Variants in DHRSX observed in about 807,000 individuals in gnomAD.
DHRSX encodes polyprenol dehydrogenase.
DHRSX carries 31 observed loss-of-function variants against 34.0 expected under a neutral mutation model. The ratio of observed to expected loss-of-function variants is 0.91; its 90% CI spans 0.69 to 1.23. DHRSX has a LOEUF of 1.23. Ranked by LOEUF, DHRSX falls within the 50% of genes most tolerant of loss-of-function variation. The pLI is 0.00. For synonymous variants in DHRSX, 201 were observed against 183.8 expected (o/e 1.09, Z -0.76); for missense variants, 414 against 428.1 (o/e 0.97, Z 0.29).
At chrX:2,246,743 A>AG (rs2016303587) in intron 5 of DHRSX, among the ~76,000 whole-genome samples, 2 of 111,314 alleles carry the variant, frequency 1.8e-5, no homozygotes. Context: ...AAAGAAAGAA[A>AG]GAAAGAAAAA....
chrX:2,438,008 GA>G (rs112487173), intron 1 of DHRSX, among the ~76,000 whole-genome samples: 29 of 147,300 alleles, frequency 2.0e-4, no homozygotes, highest in South Asian at 4.3e-4. Context: ...TAACCATGGG[GA>G]AAAAAAAAAA....
At chrX:2,389,173 A>C (rs1453281949) in intron 3 of DHRSX, among the ~76,000 whole-genome samples, 1 of 152,072 alleles carries the variant, frequency 6.6e-6, no homozygotes, top group Non-Finnish European at 1.5e-5. Context: ...ATCAGCTCTA[A>C]CCGTCTGTTA....
intron 4 of DHRSX, among the ~76,000 whole-genome samples, chrX:2,282,974 AAGAG>A (rs903661140): frequency 6.6e-6 from 1 of 151,332 alleles, no homozygotes; most frequent in African/African-American, 2.4e-5. Context: ...GAAAAAGCAA[AAGAG>A]AGGAAAAGTG....
intron 1 of DHRSX, among the ~76,000 whole-genome samples, chrX:2,431,757 G>A (rs1202019655): frequency 6.6e-6 from 1 of 152,098 alleles, no homozygotes; most frequent in Non-Finnish European, 1.5e-5. Flanking sequence ...CAATTCAATG[G>A]GGCAAGGAAG....
chrX:2,465,731 C>G (rs1397207504), intron 1 of DHRSX, among the ~76,000 whole-genome samples: 1 of 150,586 alleles, frequency 6.6e-6, no homozygotes, highest in Non-Finnish European at 1.5e-5. Flanking sequence ...ATTGCTTGAA[C>G]CCAGGAGATG....
intron 6 of DHRSX, among the ~76,000 whole-genome samples, chrX:2,225,612 A>G (rs187147201): frequency 0.018 from 2,615 of 149,356 alleles, 82 homozygotes; most frequent in African/African-American, 0.061. Context: ...GGGAGAATCA[A>G]TGTATGTCGT....
intron 3 of DHRSX, among the ~76,000 whole-genome samples, chrX:2,340,783 C>G (rs891459057): frequency 1.3e-5 from 2 of 151,984 alleles, no homozygotes; most frequent in African/African-American, 4.8e-5. Flanking sequence ...GAGGAGACAT[C>G]AGACAACTGG....
chrX:2,261,286 A>C (rs1353069893), intron 5 of DHRSX: 4 of 152,166 alleles, frequency 2.6e-5, no homozygotes. Flanking sequence ...ATGTGTTTTT[A>C]TAGGAATAAA....
At chrX:2,311,279 C>G (rs977313062) in intron 3 of DHRSX, among the ~76,000 whole-genome samples, 6 of 151,878 alleles carry the variant, frequency 4.0e-5, no homozygotes, top group African/African-American at 1.5e-4. Flanking sequence ...GGGGAGAGAG[C>G]TGCCTGGCAT....
At chrX:2,433,011 C>A (rs1057382748) in intron 1 of DHRSX, among the ~76,000 whole-genome samples, 4 of 151,876 alleles carry the variant, frequency 2.6e-5, no homozygotes, top group African/African-American at 9.7e-5. Flanking sequence ...GTAGTTCCAG[C>A]AAGCTGGGAG....
chrX:2,484,657 T>C (rs1030045076), intron 1 of DHRSX, among the ~76,000 whole-genome samples: 1 of 151,972 alleles, frequency 6.6e-6, no homozygotes, highest in Non-Finnish European at 1.5e-5. Flanking sequence ...CATGGCGAGT[T>C]CATTTTATAA....
At chrX:2,358,991 A>G (rs1412240915) in intron 3 of DHRSX, among the ~76,000 whole-genome samples, 1 of 151,842 alleles carries the variant, frequency 6.6e-6, no homozygotes. Context: ...CGACAAGCCT[A>G]TGCAAAAACA....
In DHRSX at chrX:2,265,494, G is replaced by A. The variant is rs188419821; in HGVS notation, c.596+1246C>T. ...AGCACCAGTGTCCAGCAGAAGCAGG[G>A]AGCACTGTCCCCAGAGCACCAGTGT... On this transcript the variant is annotated intron_variant, in intron 5 of 6. Coordinates refer to ENST00000334651, the MANE Select transcript of DHRSX (RefSeq NM_145177.3). Among the ~76,000 whole-genome samples the A allele has an allele frequency of 4.0e-3, 524 of 129,430 alleles. 5 individuals carry two copies. The highest frequency in any genetic ancestry group is 0.014 in the African/African-American group (470 of 32,420). The allele number at this position is 129,430 out of a possible 152,430, so 84.9% of individuals were successfully genotyped here.
At chrX:2,421,336 C>T (rs755412361) in intron 2 of DHRSX, among the ~76,000 whole-genome samples, 12 of 152,218 alleles carry the variant, frequency 7.9e-5, no homozygotes, top group African/African-American at 2.2e-4. Flanking sequence ...GCTGAGATCA[C>T]GCCATTGCAC....
chrX:2,443,992 G>C (rs1321575951), intron 1 of DHRSX, among the ~76,000 whole-genome samples: 1 of 142,410 alleles, frequency 7.0e-6, no homozygotes, highest in African/African-American at 2.7e-5. Context: ...GCGACAGAGC[G>C]AGACTCCGTC....
chrX:2,223,139 A>G (rs1045105289), intron 6 of DHRSX, among the ~76,000 whole-genome samples: 1 of 152,086 alleles, frequency 6.6e-6, no homozygotes, highest in Non-Finnish European at 1.5e-5. Flanking sequence ...CCCAAATTTC[A>G]TCTTGAACTG....
intron 3 of DHRSX, among the ~76,000 whole-genome samples, chrX:2,374,884 CA>C (rs2124604805): frequency 7.3e-6 from 1 of 137,582 alleles, no homozygotes; most frequent in East Asian, 2.0e-4. Flanking sequence ...CCACCCAGGG[CA>C]AGATAGTGAG....
At chrX:2,381,178 C>T (rs1192100371) in intron 3 of DHRSX, among the ~76,000 whole-genome samples, 1 of 152,132 alleles carries the variant, frequency 6.6e-6, no homozygotes, top group Non-Finnish European at 1.5e-5. Flanking sequence ...AGATCCCTGT[C>T]TTGAGACATA....
At chrX:2,343,275 C>T (rs1165108216) in intron 3 of DHRSX, among the ~76,000 whole-genome samples, 1 of 152,190 alleles carries the variant, frequency 6.6e-6, no homozygotes, top group Non-Finnish European at 1.5e-5. Flanking sequence ...AAGCCCCTCT[C>T]AGGTTTCTCT....
Sources: gnomAD v4.1 joint callset for allele counts (sites outside exome capture counted in the v4.1 genomes callset) on GRCh38, gnomAD v4.1.1 for gene constraint, MANE v1.5 for transcripts, NCBI Gene and HGNC (gene_info 2026-07-23, HGNC 2026-07-21) for gene names.